Variants in COL6A5 observed in about 807,000 individuals in gnomAD.
COL6A5 encodes collagen alpha-5(VI) chain.
A neutral mutation model predicts 65.6 loss-of-function variants in COL6A5; 48 were observed. That is an observed-to-expected ratio of 0.73 (90% confidence interval 0.58 to 0.93). The LOEUF (loss-of-function observed/expected upper bound fraction) is 0.93, where lower values mean the gene tolerates loss of function less well. Among genes scored for constraint, COL6A5 ranks in the 40% least tolerant of loss-of-function variants. The pLI is 0.00. For missense variants in COL6A5, 914 were observed against 928.3 expected, an observed-to-expected ratio of 0.98 and a Z score of 0.20; for synonymous variants, 291 against 322.8, an observed-to-expected ratio of 0.90 and a Z score of 1.05.
chr3:130,459,388 C>G (rs558055949), intron 5 of COL6A5, among the ~76,000 whole-genome samples: 1 of 152,218 alleles, frequency 6.6e-6, no homozygotes, highest in Admixed American at 6.5e-5. Context: ...GATAATAGAA[C>G]TGGAAGGGTA....
intron 1 of COL6A5, 144 bp downstream of exon 33, chr3:130,432,093 A>T (rs1018350433): frequency 1.1e-5 from 9 of 824,280 alleles, no homozygotes; most frequent in South Asian, 3.7e-5. Flanking sequence ...ATTGTTGTCA[A>T]TGTCTGTGAA....
intron 20 of COL6A5, 29 bp from the exon 21 acceptor site, chr3:130,413,516 A>T (rs1559888797): frequency 1.3e-6 from 2 of 1,544,088 alleles, no homozygotes; most frequent in Admixed American, 3.9e-5. Context: ...AGACATCCAC[A>T]TACTAACAGT....
intron 1 of COL6A5, among the ~76,000 whole-genome samples, chr3:130,432,186 T>C (rs934137065): frequency 1.3e-5 from 2 of 152,178 alleles, no homozygotes; most frequent in African/African-American, 4.8e-5. Context: ...GCACTGTCCC[T>C]AGAGCTTTCC....
At chr3:130,420,689 A>G (rs1937499650) in intron 25 of COL6A5, among the ~76,000 whole-genome samples, 1 of 152,164 alleles carries the variant, frequency 6.6e-6, no homozygotes, top group Non-Finnish European at 1.5e-5. Flanking sequence ...GGCATCCACA[A>G]CAACAGGTAT....
intron 27 of COL6A5, 44 bp from the exon 28 acceptor site, chr3:130,422,676 A>G (rs1166846096): frequency 2.4e-6 from 3 of 1,250,812 alleles, no homozygotes; most frequent in Admixed American, 4.4e-5. Context: ...ATTCTTTCAT[A>G]GCAAATACTT....
In COL6A5 at chr3:130,387,054, C is replaced by A. The variant is rs76960447; in HGVS notation, c.1862-1526C>A. ...GAATAGTCCAGGTCTAGTAGAGAGGCTGTTCCATCCTCAACACATAGCTTC... is the reference window on the plus strand; with the variant it reads ...GAATAGTCCAGGTCTAGTAGAGAGGATGTTCCATCCTCAACACATAGCTTC... On this transcript the variant is annotated intron_variant and NMD_transcript_variant, in intron 5 of 41. Coordinates refer to the COL6A5 transcript ENST00000312481. 1.0e-2 allele frequency among the ~76,000 whole-genome samples: 1,516 copies of A among 152,182 alleles called. 23 individuals are homozygous for A. The highest frequency in any genetic ancestry group is 0.035 in the African/African-American group (1,448 of 41,542).
At position 130,401,029 on chromosome 3, in the gene COL6A5, A is replaced by G. The variant is rs1288302626; in HGVS notation, c.3992-2A>G. On this transcript the variant is annotated splice_acceptor_variant and NMD_transcript_variant, in intron 10 of 41. Transcript: ENST00000312481. ...ATTTATATTGTGGTTTTTACCACAT[A>G]GGACTTGATGCTCTGCTGGTAGTGT... 1 of 1,540,120 alleles carries G rather than the reference A, an allele frequency of 6.5e-7. No homozygotes were observed.
chr3:130,412,982 G>A (rs1380963036), intron 20 of COL6A5, among the ~76,000 whole-genome samples: 1 of 152,172 alleles, frequency 6.6e-6, no homozygotes, highest in African/African-American at 2.4e-5. Context: ...ATTGGTGGTC[G>A]AGATGTTCCA....
chr3:130,451,255 G>C (rs1026044885), intron 4 of COL6A5, among the ~76,000 whole-genome samples: 1 of 152,168 alleles, frequency 6.6e-6, no homozygotes, highest in Non-Finnish European at 1.5e-5. Context: ...GTGTTGCACT[G>C]AAGTTTGAAG....
intron 7 of COL6A5, among the ~76,000 whole-genome samples, chr3:130,476,153 G>C (rs556130386): frequency 3.2e-4 from 48 of 152,232 alleles, no homozygotes; most frequent in Non-Finnish European, 6.0e-4. Flanking sequence ...CAAGGTGCCA[G>C]CCTATAAGGT....
chr3:130,392,336 C>T (rs1409628079), intron 7 of COL6A5, among the ~76,000 whole-genome samples: 2 of 152,070 alleles, frequency 1.3e-5, no homozygotes, highest in Non-Finnish European at 2.9e-5. Context: ...CTGAGAGAAA[C>T]AGGGAGGGAA....
chr3:130,472,671 T>C (rs1217057712), intron 7 of COL6A5, among the ~76,000 whole-genome samples: 2 of 151,762 alleles, frequency 1.3e-5, no homozygotes, highest in Non-Finnish European at 2.9e-5. Flanking sequence ...AAAAATCATG[T>C]ACTAAAATGT....
rs191018550 is a variant in COL6A5 at position 130,383,017 on chromosome 3, A to G, written c.1301-1787A>G. Among the ~76,000 whole-genome samples, 10 of 152,176 alleles carry G rather than the reference A, an allele frequency of 6.6e-5. No individual in the cohort carries two copies. The East Asian group carries it at 1.9e-3, about 29-fold the overall frequency. ...ACAAGAGAGTTACTGTAGTTTTACA[A>G]TTGAAATGTTTAGTAGCATCCAATT... On this transcript the variant is annotated intron_variant and NMD_transcript_variant, in intron 4 of 41. Coordinates refer to the COL6A5 transcript ENST00000312481.
chr3:130,455,922 A>G (rs1194695359), intron 5 of COL6A5, among the ~76,000 whole-genome samples: 1 of 152,094 alleles, frequency 6.6e-6, no homozygotes, highest in Non-Finnish European at 1.5e-5. Context: ...TCTAGCATCC[A>G]CAGTTTAGAA....
intron 1 of COL6A5, among the ~76,000 whole-genome samples, chr3:130,366,939 G>A (rs1359614441): frequency 2.6e-5 from 4 of 152,146 alleles, no homozygotes; most frequent in Admixed American, 2.6e-4. Flanking sequence ...AATGTTTGTG[G>A]CTTTCTATAT....
At chr3:130,380,104 A>C in intron 4 of COL6A5, 54 bp downstream of exon 4, 1 of 1,271,410 alleles carries the variant, frequency 7.9e-7, no homozygotes, top group Non-Finnish European at 1.1e-6. Context: ...GTGGTTACCT[A>C]GGACTAGGGT....
intron 5 of COL6A5, among the ~76,000 whole-genome samples, chr3:130,459,774 A>G (rs1709663550): frequency 6.6e-6 from 1 of 152,038 alleles, no homozygotes; most frequent in South Asian, 2.1e-4. Context: ...ATAAAAATTC[A>G]AATACCAAGT....
chr3:130,391,621 A>G (rs747237205), exon 7 of COL6A5: 20 of 1,551,572 alleles, frequency 1.3e-5, no homozygotes, highest in Middle Eastern at 3.3e-4. Context: ...CAGTGGGTGT[A>G]GGAAAGGCCA....
chr3:130,441,524 A>G (rs1373923776), intron 3 of COL6A5, among the ~76,000 whole-genome samples: 1 of 152,228 alleles, frequency 6.6e-6, no homozygotes, highest in Non-Finnish European at 1.5e-5. Context: ...GTACAGTTGC[A>G]TGACCAGTGG....
Sources: gnomAD v4.1 joint callset for allele counts (sites outside exome capture counted in the v4.1 genomes callset) on GRCh38, gnomAD v4.1.1 for gene constraint, MANE v1.5 for transcripts, NCBI Gene and HGNC (gene_info 2026-07-23, HGNC 2026-07-21) for gene names.